Variants in TCF7L1 observed in about 807,000 individuals in gnomAD.
TCF7L1 encodes the protein transcription factor 7-like 1.
In TCF7L1, 18 loss-of-function variants were observed where a neutral mutation model predicts 63.7. The ratio of observed to expected loss-of-function variants is 0.28; its 90% CI spans 0.20 to 0.42. TCF7L1 has a LOEUF of 0.42. Among genes scored for constraint, TCF7L1 ranks in the 10% least tolerant of loss-of-function variants. The probability of loss-of-function intolerance (pLI) is 1.00; values close to 1 mark genes in which losing one functional copy is unlikely to be tolerated. For missense variants in TCF7L1, 654 were observed against 779.3 expected (o/e 0.84, Z 1.91); for synonymous variants, 355 against 340.9 (o/e 1.04, Z -0.46).
intron 3 of TCF7L1, among the ~76,000 whole-genome samples, chr2:85,176,295 G>C (rs1186397499): frequency 1.3e-5 from 2 of 152,222 alleles, no homozygotes; most frequent in African/African-American, 4.8e-5. Context: ...ACTGCAGCCT[G>C]TTGTGGTATG....
rs547978400 is a variant in TCF7L1, at chr2:85,224,633, TTG to T, written c.442-58860_442-58859del. On this transcript the variant is annotated intron_variant, in intron 3 of 11. Transcript: ENST00000282111. ...TTTGCCCACTTTTTGATGGGGTCAT[TTG>T]TTTTTTTCTTGTAAATTTGTTTAAG... Among the ~76,000 whole-genome samples, 492 of 152,248 alleles carry T rather than the reference TTG, an allele frequency of 3.2e-3. 4 individuals carry two copies. Among genetic ancestry groups the T allele is most frequent in the African/African-American group, 0.011 (475 of 41,522 alleles).
intron 3 of TCF7L1, among the ~76,000 whole-genome samples, chr2:85,274,580 G>A (rs1234689425): frequency 6.6e-6 from 1 of 152,136 alleles, no homozygotes; most frequent in African/African-American, 2.4e-5. Flanking sequence ...CTTGCCCACG[G>A]TCATTGGTGT....
chr2:85,159,846 C>T (rs1341733570), intron 3 of TCF7L1, among the ~76,000 whole-genome samples: 4 of 152,210 alleles, frequency 2.6e-5, no homozygotes, highest in African/African-American at 7.2e-5. Context: ...CTGGCTTTCT[C>T]GTGTGCCAGG....
At chr2:85,271,058 A>T (rs1681141726) in intron 3 of TCF7L1, among the ~76,000 whole-genome samples, 1 of 152,018 alleles carries the variant, frequency 6.6e-6, no homozygotes, top group African/African-American at 2.4e-5. Context: ...TAAACGCCCA[A>T]AGTCCTATAT....
intron 3 of TCF7L1, chr2:85,233,907 C>T (rs925251597): frequency 2.0e-5 from 3 of 152,140 alleles, no homozygotes; most frequent in Non-Finnish European, 4.4e-5. Context: ...AGTTCTTTTT[C>T]ATTACCGAGC....
intron 3 of TCF7L1, among the ~76,000 whole-genome samples, chr2:85,265,667 G>T (rs190408747): frequency 2.0e-5 from 3 of 152,148 alleles, no homozygotes; most frequent in Admixed American, 6.5e-5. Context: ...TAATGGGAAC[G>T]GTTGGGAAGG....
chr2:85,303,577 CTT>C (rs1410684694), intron 5 of TCF7L1: 14 of 269,568 alleles, frequency 5.2e-5, no homozygotes, highest in Admixed American at 3.2e-4. Flanking sequence ...ACCAGTGACT[CTT>C]GTCATTGGTC....
At chr2:85,295,809 G>A (rs1256147637) in intron 4 of TCF7L1, among the ~76,000 whole-genome samples, 9 of 102,964 alleles carry the variant, frequency 8.7e-5, no homozygotes, top group African/African-American at 1.6e-4. Flanking sequence ...AGACCGTCTC[G>A]TTCTGTCGCC....
intron 3 of TCF7L1, among the ~76,000 whole-genome samples, chr2:85,176,071 G>A (rs1162332128): frequency 6.6e-6 from 1 of 152,226 alleles, no homozygotes; most frequent in African/African-American, 2.4e-5. Context: ...GTGATAAGAG[G>A]TACTCCCCAC....
intron 5 of TCF7L1, 43 bp from the exon 6 acceptor site, chr2:85,303,852 G>T (rs761226104): frequency 6.8e-7 from 1 of 1,461,162 alleles, no homozygotes; most frequent in Non-Finnish European, 9.5e-7. Context: ...AGGTGCTCTG[G>T]CAGGGCGAGG....
At chr2:85,286,140 G>A (rs377001143) in intron 4 of TCF7L1, among the ~76,000 whole-genome samples, 4 of 147,486 alleles carry the variant, frequency 2.7e-5, no homozygotes, top group African/African-American at 7.6e-5. Flanking sequence ...GCAGTGAGCC[G>A]AGATTGTGCC....
At chr2:85,221,983 A>G (rs914099007) in intron 3 of TCF7L1, among the ~76,000 whole-genome samples, 10 of 151,946 alleles carry the variant, frequency 6.6e-5, no homozygotes, top group Admixed American at 2.6e-4. Flanking sequence ...CACGAATAAT[A>G]CAGGAGGCGT....
chr2:85,242,391 G>C (rs1225490065), intron 3 of TCF7L1, among the ~76,000 whole-genome samples: 1 of 152,206 alleles, frequency 6.6e-6, no homozygotes, highest in Non-Finnish European at 1.5e-5. Context: ...TTCTTTCTGG[G>C]ATGGCTCAAA....
At chr2:85,164,167 G>A (rs1371820291) in intron 3 of TCF7L1, among the ~76,000 whole-genome samples, 2 of 152,008 alleles carry the variant, frequency 1.3e-5, no homozygotes, top group African/African-American at 4.8e-5. Context: ...AAACACCGGA[G>A]CCCAGGGCTG....
chr2:85,235,038 C>A (rs2104317264), intron 3 of TCF7L1, among the ~76,000 whole-genome samples: 1 of 152,248 alleles, frequency 6.6e-6, no homozygotes, highest in South Asian at 2.1e-4. Flanking sequence ...CTCTCCTGGG[C>A]TCCCAGTAAT....
At chr2:85,188,782 A>C (rs1228050998) in intron 3 of TCF7L1, among the ~76,000 whole-genome samples, 3 of 152,144 alleles carry the variant, frequency 2.0e-5, no homozygotes, top group Non-Finnish European at 4.4e-5. Context: ...ATCTTGGTCC[A>C]CTCACAAAAG....
intron 3 of TCF7L1, among the ~76,000 whole-genome samples, chr2:85,279,839 C>T (rs1681369600): frequency 6.6e-6 from 1 of 152,190 alleles, no homozygotes; most frequent in Non-Finnish European, 1.5e-5. Context: ...AGGACCACCT[C>T]TCCCTTCTGG....
intron 3 of TCF7L1, among the ~76,000 whole-genome samples, chr2:85,263,938 T>A (rs772236681): frequency 6.6e-6 from 1 of 151,974 alleles, no homozygotes; most frequent in South Asian, 2.1e-4. Flanking sequence ...GAAGATGACA[T>A]TGGGTTTGGT....
intron 3 of TCF7L1, among the ~76,000 whole-genome samples, chr2:85,238,379 C>A (rs946571511): frequency 3.9e-5 from 6 of 152,182 alleles, no homozygotes; most frequent in African/African-American, 1.4e-4. Context: ...CAAACAGAGA[C>A]ACGGAGCCTT....
Sources: allele counts gnomAD v4.1 joint callset (sites outside exome capture counted in the v4.1 genomes callset), GRCh38; gene constraint gnomAD v4.1.1; transcripts MANE v1.5; gene names NCBI Gene and HGNC (gene_info 2026-07-23, HGNC 2026-07-21).